DOCK9: variants seen among roughly 807,000 people sequenced by gnomAD.
The protein encoded by DOCK9 is dedicator of cytokinesis 9.
Under a neutral mutation model 263.3 loss-of-function variants are expected in DOCK9, and 89 were observed. The ratio of observed to expected loss-of-function variants is 0.34; its 90% CI spans 0.28 to 0.40. The LOEUF (loss-of-function observed/expected upper bound fraction) is 0.40, where lower values mean the gene tolerates loss of function less well. DOCK9 is among the 10% of genes least tolerant of loss of function. The probability of loss-of-function intolerance (pLI) is 1.00; values close to 1 mark genes in which losing one functional copy is unlikely to be tolerated. For missense variants in DOCK9, 2,140 were observed against 2,603.4 expected, an observed-to-expected ratio of 0.82 and a Z score of 3.87; for synonymous variants, 976 against 973.1, an observed-to-expected ratio of 1.00 and a Z score of -0.06.
chr13:98,805,455 T>C (rs923318095), intron 48 of DOCK9, among the ~76,000 whole-genome samples: 2 of 152,090 alleles, frequency 1.3e-5, no homozygotes, highest in African/African-American at 4.8e-5. Context: ...TTTTTTCCAG[T>C]AGAACCATTT....
At chr13:98,938,005 C>A (rs1237074780) in intron 2 of DOCK9, among the ~76,000 whole-genome samples, 2 of 152,190 alleles carry the variant, frequency 1.3e-5, no homozygotes, top group Non-Finnish European at 2.9e-5. Flanking sequence ...CCTGGGCCGA[C>A]CCCTGGGGCC....
At position 98,957,902 on chromosome 13, in the gene DOCK9, G is replaced by T. The variant is rs560274226; in HGVS notation, c.127-2351C>A. 1.5e-3 allele frequency among the ~76,000 whole-genome samples: 229 copies of T among 152,182 alleles called. 1 individual carries two copies. Among genetic ancestry groups the T allele is most frequent in the Admixed American group, 0.015 (226 of 15,296 alleles). On this transcript the variant is annotated intron_variant, in intron 1 of 52. Transcript: ENST00000682017. ...CTGCCCCATAACCACAGGCCAGGGA[G>T]ACTCTTTCATGACAGCCCCAGCTGC...
chr13:99,010,742 T>C (rs1884333532), intron 1 of DOCK9, among the ~76,000 whole-genome samples: 1 of 152,202 alleles, frequency 6.6e-6, no homozygotes, highest in Non-Finnish European at 1.5e-5. Context: ...GCGCCCACCA[T>C]ATGGCTGATT....
At position 98,955,480 on chromosome 13, in the gene DOCK9, G is replaced by A. The variant is rs771773842; in HGVS notation, c.198C>T (p.Asn66=). ...VIVQKKTQIL[N]DCLREMLLFP... is the part of the protein sequence containing the mutation. ...AGAGCAGCATCTCCCGTAAACAGTC[G>A]TTCAGGATCTGAGTCTTCTTCTGGA... Residue 66 remains asparagine (N), a synonymous_variant, in exon 2 of 53, where the codon AAC becomes AAT. Coordinates refer to ENST00000682017, the MANE Select transcript of DOCK9 (RefSeq NM_001366683.2). 49 of 1,598,562 alleles carry A rather than the reference G, an allele frequency of 3.1e-5. No homozygotes were observed. The highest frequency in any genetic ancestry group is 6.8e-5 in the South Asian group (6 of 88,070).
chr13:98,802,958 A>C lies in DOCK9; in HGVS notation c.5725+2041T>G, dbSNP rs1352893481. On this transcript the variant is annotated intron_variant, in intron 49 of 52. Coordinates refer to ENST00000682017, the MANE Select transcript of DOCK9 (RefSeq NM_001366683.2). ...CTTTCCCTTGCTTCTTACTATTTACAAAGTTATGACAATATAATGAGATAA... is the reference window on the plus strand; with the variant it reads ...CTTTCCCTTGCTTCTTACTATTTACCAAGTTATGACAATATAATGAGATAA... Among the ~76,000 whole-genome samples, 8 of 152,378 alleles carry C rather than the reference A, an allele frequency of 5.3e-5. No homozygotes were observed. In the East Asian group the frequency reaches 1.5e-3, roughly 29 times the overall value.
rs371812647 is a variant in DOCK9 at position 98,845,939 on chromosome 13, G to C, written c.4183C>G (p.Leu1395Val). Reference sequence around the variant, plus strand: ...TGGGACTTACTGTGGTTAAAAGTGAGAGAGTTATCCAGGCTGCCCAGCTGC... The same window carrying C: ...TGGGACTTACTGTGGTTAAAAGTGACAGAGTTATCCAGGCTGCCCAGCTGC... Reference protein sequence around the residue: ...LQQLGSLDNSLTFNHSYGHSD... With the variant: ...LQQLGSLDNSVTFNHSYGHSD... The change falls in exon 38 of 53, where the codon CTC becomes GTC. Residue 1395 changes from leucine (L) to valine (V), a missense_variant. By Grantham distance (32) the Leu-to-Val change is conservative (BLOSUM62 1). This residue lies in a region of DOCK9 where 1,521 missense variants were observed against 1,741.7 expected (regional missense o/e 0.87). Coordinates refer to ENST00000682017, the MANE Select transcript of DOCK9 (RefSeq NM_001366683.2). 4.3e-6 allele frequency: 7 copies of C among 1,613,470 alleles called. No homozygotes were observed. The Admixed American group carries it at 1.2e-4, about 27-fold the overall frequency.
At chr13:99,043,395 T>A (rs896247842) in intron 1 of DOCK9, among the ~76,000 whole-genome samples, 2 of 151,980 alleles carry the variant, frequency 1.3e-5, no homozygotes, top group East Asian at 1.9e-4. Flanking sequence ...AATCCACCCA[T>A]CCCGGAGGCA....
In DOCK9 at chr13:98,849,473, G is replaced by A. The variant is rs1490927650; in HGVS notation, c.4013+574C>T. Among the ~76,000 whole-genome samples the A allele has an allele frequency of 2.0e-5, 3 of 150,690 alleles. No individual in the cohort carries two copies. The East Asian group carries it at 5.8e-4, about 29-fold the overall frequency. On this transcript the variant is annotated intron_variant, in intron 36 of 52. Transcript: ENST00000682017. ...TATTATAGAGAGATGCTGCTGGGATGTAATGGGATACAGTCTATATGTAAA... is the reference window on the plus strand; with the variant it reads ...TATTATAGAGAGATGCTGCTGGGATATAATGGGATACAGTCTATATGTAAA...
intron 9 of DOCK9, among the ~76,000 whole-genome samples, chr13:98,908,297 C>T (rs1342005656): frequency 1.3e-5 from 2 of 152,094 alleles, no homozygotes; most frequent in Non-Finnish European, 2.9e-5. Flanking sequence ...ATTGTTATAG[C>T]CTTTTGGGAC....
At chr13:98,863,591 T>C in intron 30 of DOCK9, 43 bp from the exon 31 acceptor site, 2 of 1,546,708 alleles carry the variant, frequency 1.3e-6, no homozygotes, top group Non-Finnish European at 1.8e-6. Flanking sequence ...AAAGATGCAA[T>C]GCTCTTTGAA....
At chr13:98,811,948 T>G (rs2091334143) in intron 45 of DOCK9, among the ~76,000 whole-genome samples, 1 of 152,202 alleles carries the variant, frequency 6.6e-6, no homozygotes, top group South Asian at 2.1e-4. Context: ...ATAAATATTC[T>G]TTTTTGCATA....
intron 12 of DOCK9, 95 bp from the exon 13 acceptor site, chr13:98,901,995 CAACTAG>C: frequency 6.8e-7 from 1 of 1,470,022 alleles, no homozygotes; most frequent in Admixed American, 2.3e-5. Flanking sequence ...TGAAACAGGA[CAACTAG>C]TAAAAAGCAC....
intron 32 of DOCK9, among the ~76,000 whole-genome samples, chr13:98,861,425 A>G (rs1219437124): frequency 6.6e-6 from 1 of 152,212 alleles, no homozygotes; most frequent in African/African-American, 2.4e-5. Context: ...TCATGAGTCC[A>G]AAGTACCAGG....
chr13:98,894,598 C>T (rs1459062845), intron 15 of DOCK9, among the ~76,000 whole-genome samples: 1 of 151,536 alleles, frequency 6.6e-6, no homozygotes, highest in Non-Finnish European at 1.5e-5. Context: ...GGTAGTTGAG[C>T]GAAGGAAAAT....
chr13:98,984,416 T>C (rs17785113), intron 1 of DOCK9, among the ~76,000 whole-genome samples: 51,423 of 152,012 alleles, frequency 0.34, 9,116 homozygotes, highest in African/African-American at 0.45. Context: ...AATTCAATAG[T>C]TGTATCTCCA....
At chr13:99,046,524 G>A (rs906954723) in intron 1 of DOCK9, among the ~76,000 whole-genome samples, 4 of 152,188 alleles carry the variant, frequency 2.6e-5, no homozygotes, top group Non-Finnish European at 5.9e-5. Context: ...CCCAACTTGT[G>A]GGACTTGTCT....
chr13:98,887,061 A>G (rs1291745888), intron 18 of DOCK9, among the ~76,000 whole-genome samples: 1 of 150,094 alleles, frequency 6.7e-6, no homozygotes, highest in East Asian at 1.9e-4. Flanking sequence ...CTGTCCACCA[A>G]GATCTTTTTC....
At chr13:98,806,801 C>T (rs1242252628) in intron 48 of DOCK9, among the ~76,000 whole-genome samples, 3 of 151,340 alleles carry the variant, frequency 2.0e-5, no homozygotes, top group African/African-American at 4.9e-5. Flanking sequence ...CCCAGCTACT[C>T]GGGAGGCTGA....
intron 2 of DOCK9, among the ~76,000 whole-genome samples, chr13:98,947,988 GT>G (rs936025431): frequency 6.6e-6 from 1 of 152,118 alleles, no homozygotes; most frequent in East Asian, 1.9e-4. Flanking sequence ...AGTATTGAGG[GT>G]TTTTTTCTTT....
Sources: gnomAD v4.1 joint callset for allele counts (sites outside exome capture counted in the v4.1 genomes callset) on GRCh38, gnomAD v4.1.1 for gene constraint, gnomAD v4.1.1 regional missense constraint, MANE v1.5 for transcripts, NCBI Gene and HGNC (gene_info 2026-07-23, HGNC 2026-07-21) for gene names.